GRM3: variants seen among roughly 807,000 people sequenced by gnomAD.
GRM3 encodes metabotropic glutamate receptor 3.
Under a neutral mutation model 70.5 loss-of-function variants are expected in GRM3, and 26 were observed. That is an observed-to-expected ratio of 0.37 (90% confidence interval 0.27 to 0.51). The LOEUF is 0.51. Among genes scored for constraint, GRM3 ranks in the 20% least tolerant of loss-of-function variants. The pLI is 0.93. For missense variants in GRM3, 859 were observed against 1,123.8 expected (o/e 0.76, Z 3.37); for synonymous variants, 443 against 434.9 (o/e 1.02, Z -0.23).
At chr7:86,717,511 G>C (rs1042038863) in intron 1 of GRM3, among the ~76,000 whole-genome samples, 1 of 151,838 alleles carries the variant, frequency 6.6e-6, no homozygotes, top group South Asian at 2.1e-4. Context: ...ATCTAACTTT[G>C]TCACTGATAA....
At chr7:86,664,133 C>G (rs369006119) in intron 1 of GRM3, among the ~76,000 whole-genome samples, 1 of 151,824 alleles carries the variant, frequency 6.6e-6, no homozygotes, top group South Asian at 2.1e-4. Flanking sequence ...GAAATAAGAG[C>G]ATCCATAATT....
At chr7:86,707,751 A>C (rs903355015) in intron 1 of GRM3, among the ~76,000 whole-genome samples, 4 of 151,962 alleles carry the variant, frequency 2.6e-5, no homozygotes, top group Non-Finnish European at 1.5e-5. Flanking sequence ...GTAATTATAG[A>C]TGTTACTTTT....
chr7:86,666,376 C>T (rs1402134000), intron 1 of GRM3, among the ~76,000 whole-genome samples: 3 of 151,980 alleles, frequency 2.0e-5, no homozygotes, highest in Non-Finnish European at 4.4e-5. Flanking sequence ...AAACCATCAC[C>T]TTTTTCAGGA....
chr7:86,678,970 G>C (rs1794373597), intron 1 of GRM3, among the ~76,000 whole-genome samples: 1 of 152,038 alleles, frequency 6.6e-6, no homozygotes, highest in South Asian at 2.1e-4. Flanking sequence ...ATTTCACATA[G>C]CTTTTGGAAA....
chr7:86,680,588 A>C (rs1447152002), intron 1 of GRM3, among the ~76,000 whole-genome samples: 2 of 152,128 alleles, frequency 1.3e-5, no homozygotes, highest in African/African-American at 2.4e-5. Flanking sequence ...AATACTGGAC[A>C]AAAGGACATT....
chr7:86,775,903 C>T (rs1378534046), intron 2 of GRM3: 1 of 152,010 alleles, frequency 6.6e-6, no homozygotes, highest in African/African-American at 2.4e-5. Flanking sequence ...TAATTAGTTG[C>T]TCTTCACCTG....
At chr7:86,709,654 A>G (rs1038933981) in intron 1 of GRM3, among the ~76,000 whole-genome samples, 1 of 152,082 alleles carries the variant, frequency 6.6e-6, no homozygotes, top group Non-Finnish European at 1.5e-5. Flanking sequence ...CACACCTGTC[A>G]GTGAGTCCAG....
rs553203944 is a variant in GRM3, at chr7:86,784,856, GA to G, written c.469-1404del. 5.3e-5 allele frequency among the ~76,000 whole-genome samples: 8 copies of G among 152,288 alleles called. No individual in the cohort carries two copies. In the East Asian group the frequency reaches 1.5e-3, roughly 29 times the overall value. On this transcript the variant is annotated intron_variant, in intron 2 of 5. Coordinates refer to ENST00000361669, the MANE Select transcript of GRM3 (RefSeq NM_000840.3). ...TAGCAGGATTGGAAAAGATATAGAA[GA>G]TATTTTTGATAGCTCTGGACTATAT...
At chr7:86,645,557 G>C (rs1433080626) in intron 1 of GRM3, among the ~76,000 whole-genome samples, 1 of 152,162 alleles carries the variant, frequency 6.6e-6, no homozygotes, top group African/African-American at 2.4e-5. Flanking sequence ...TCCAAAAATA[G>C]ACTAGGTGAT....
chr7:86,746,364 T>C (rs1796105305), intron 1 of GRM3, among the ~76,000 whole-genome samples: 1 of 141,492 alleles, frequency 7.1e-6, no homozygotes, highest in East Asian at 2.0e-4. Context: ...TATATATATA[T>C]ATATATATAT....
intron 1 of GRM3, among the ~76,000 whole-genome samples, chr7:86,732,117 C>T (rs1481335267): frequency 6.6e-6 from 1 of 152,000 alleles, no homozygotes; most frequent in Non-Finnish European, 1.5e-5. Flanking sequence ...GAATTATATT[C>T]TATATGGACT....
Position 86,674,750 on chromosome 7 carries a change from T to C in GRM3, c.-141+29878T>C, listed in dbSNP as rs370461786. ...AAGTCCCCATTACTCCTTACTCATA[T>C]ATGATTTTCTAAAACACTGAAACAC... is the stretch of plus-strand genomic sequence containing the variant. On this transcript the variant is annotated intron_variant, in intron 1 of 5. Transcript: ENST00000361669. Among the ~76,000 whole-genome samples, 3 of 152,104 alleles carry C rather than the reference T, an allele frequency of 2.0e-5. 1 individual carries two copies. The highest frequency in any genetic ancestry group is 4.1e-4 in the South Asian group (2 of 4,830).
chr7:86,740,905 G>A (rs967503077), intron 1 of GRM3, among the ~76,000 whole-genome samples: 1 of 152,116 alleles, frequency 6.6e-6, no homozygotes, highest in African/African-American at 2.4e-5. Flanking sequence ...ACATTGTGGA[G>A]CACGTCCGCT....
intron 5 of GRM3, among the ~76,000 whole-genome samples, chr7:86,856,186 G>C (rs1015649729): frequency 6.6e-6 from 1 of 152,178 alleles, no homozygotes; most frequent in African/African-American, 2.4e-5. Context: ...ACTCATGCCT[G>C]TAGTCCCAGC....
chr7:86,772,126 T>G (rs1003482094), intron 2 of GRM3, among the ~76,000 whole-genome samples: 1 of 152,126 alleles, frequency 6.6e-6, no homozygotes, highest in Non-Finnish European at 1.5e-5. Context: ...AGAACCACAT[T>G]TTTTGTCTTT....
At chr7:86,688,727 A>G (rs955767608) in intron 1 of GRM3, among the ~76,000 whole-genome samples, 1 of 148,544 alleles carries the variant, frequency 6.7e-6, no homozygotes, top group African/African-American at 2.5e-5. Context: ...TATCTCTTAC[A>G]TATATGATAT....
chr7:86,796,562 A>G (rs1797555886), intron 3 of GRM3, among the ~76,000 whole-genome samples: 1 of 152,064 alleles, frequency 6.6e-6, no homozygotes, highest in Non-Finnish European at 1.5e-5. Flanking sequence ...TTGGTTCCAT[A>G]TTAATTTTAA....
intron 3 of GRM3, among the ~76,000 whole-genome samples, chr7:86,830,393 C>G (rs1160674073): frequency 6.6e-6 from 1 of 152,146 alleles, no homozygotes; most frequent in Non-Finnish European, 1.5e-5. Flanking sequence ...TCTCCATTGC[C>G]CTATAACCTC....
chr7:86,834,203 G>T (rs1346305597), intron 3 of GRM3, among the ~76,000 whole-genome samples: 1 of 152,032 alleles, frequency 6.6e-6, no homozygotes, highest in Non-Finnish European at 1.5e-5. Context: ...AAAGTTTCTT[G>T]CTTCATCCTT....
Sources: gnomAD v4.1 joint callset for allele counts (sites outside exome capture counted in the v4.1 genomes callset) on GRCh38, gnomAD v4.1.1 for gene constraint, MANE v1.5 for transcripts, NCBI Gene and HGNC (gene_info 2026-07-23, HGNC 2026-07-21) for gene names.